CELF2: variants seen among roughly 807,000 people sequenced by gnomAD.
CELF2 encodes CUGBP Elav-like family member 2.
Under a neutral mutation model 62.6 loss-of-function variants are expected in CELF2, and 8 were observed. That is an observed-to-expected ratio of 0.13 (90% CI 0.07 to 0.23). The LOEUF (loss-of-function observed/expected upper bound fraction) is 0.23. Ranked by LOEUF, CELF2 falls within the 10% of genes least tolerant of loss-of-function variation. The pLI is 1.00. For synonymous variants in CELF2, 258 were observed against 250.0 expected, an observed-to-expected ratio of 1.03 and a Z score of -0.30; for missense variants, 333 against 671.0, an observed-to-expected ratio of 0.50 and a Z score of 5.56.
chr10:10,647,729 T>A, the CELF2 span, among the ~76,000 whole-genome samples: 2 of 152,240 alleles, frequency 1.3e-5, no homozygotes, highest in Non-Finnish European at 2.9e-5. Context: ...TTTAAAACTT[T>A]GTGTGTATTT....
intron 1 of CELF2, among the ~76,000 whole-genome samples, chr10:11,134,140 T>C (rs1011480252): frequency 1.3e-5 from 2 of 152,196 alleles, no homozygotes; most frequent in African/African-American, 4.8e-5. Flanking sequence ...TTCCCTTCCT[T>C]GTGCCTGAAT....
In CELF2 at chr10:11,222,582, TTTA is replaced by T. The variant is rs559139354; in HGVS notation, c.354+5078_354+5080del. ...TTATTCGGCAACCATGTATTGAACG[TTTA>T]TTGTTTGCCAGGCACTGTTCTAGAT... On this transcript the variant is annotated intron_variant, in intron 3 of 12. Transcript: ENST00000633077. Among the ~76,000 whole-genome samples, 220 of 152,292 alleles carry T rather than the reference TTTA, an allele frequency of 1.4e-3. 1 individual carries two copies. Among genetic ancestry groups the T allele is most frequent in the African/African-American group, 4.8e-3 (198 of 41,552 alleles).
intron 2 of CELF2, among the ~76,000 whole-genome samples, chr10:11,192,528 G>A (rs918845173): frequency 6.6e-6 from 1 of 152,212 alleles, no homozygotes; most frequent in African/African-American, 2.4e-5. Context: ...TGGGTTTCCT[G>A]GGAAGTCAGG....
chr10:10,886,493 C>T (rs553753849), intron 1 of CELF2, among the ~76,000 whole-genome samples: 20 of 152,208 alleles, frequency 1.3e-4, no homozygotes, highest in East Asian at 7.7e-4. Flanking sequence ...CACAGATACA[C>T]GAAGAAGAGT....
At chr10:11,112,972 A>G (rs892048127) in intron 1 of CELF2, among the ~76,000 whole-genome samples, 11 of 152,052 alleles carry the variant, frequency 7.2e-5, no homozygotes, top group Admixed American at 2.6e-4. Context: ...TGCGTAGCCT[A>G]TATCTGAAGC....
At chr10:11,208,574 T>G (rs556297790) in intron 2 of CELF2, among the ~76,000 whole-genome samples, 5 of 152,322 alleles carry the variant, frequency 3.3e-5, no homozygotes, top group Non-Finnish European at 7.4e-5. Context: ...CTTCTGGGTG[T>G]GGGAAGGACC....
At chr10:11,181,897 T>A (rs1329039222) in intron 2 of CELF2, among the ~76,000 whole-genome samples, 1 of 152,244 alleles carries the variant, frequency 6.6e-6, no homozygotes, top group Non-Finnish European at 1.5e-5. Flanking sequence ...TCTTCTTTCC[T>A]TTTCATGGCA....
At chr10:10,746,819 A>G in the CELF2 span, among the ~76,000 whole-genome samples, 1 of 152,222 alleles carries the variant, frequency 6.6e-6, no homozygotes, top group African/African-American at 2.4e-5. Flanking sequence ...AAAATAGATA[A>G]CTGTTTAGGT....
chr10:11,185,444 C>T (rs887890930), intron 2 of CELF2, among the ~76,000 whole-genome samples: 2 of 152,148 alleles, frequency 1.3e-5, no homozygotes, highest in Non-Finnish European at 2.9e-5. Context: ...GATGGAGTTT[C>T]ACTCTTGTCA....
chr10:11,016,669 C>T (rs1378623206), upstream of CELF2, among the ~76,000 whole-genome samples: 1 of 152,150 alleles, frequency 6.6e-6, no homozygotes, highest in African/African-American at 2.4e-5. The surrounding 1 kb of genome is among the most constrained non-coding windows in gnomAD (Gnocchi z 5.2). Context: ...TTGTTTAACC[C>T]TCTGGTTTGT....
rs117085692 is a variant in CELF2, at chr10:11,206,293, G to A, written c.272-11132G>A. ...CTAATAGCCCAGCTTGCTGTGAATT[G>A]AGAATCGTAGGAAAATAGATGTGAT... On this transcript the variant is annotated intron_variant, in intron 2 of 12. Coordinates refer to ENST00000633077, the MANE Select transcript of CELF2 (RefSeq NM_001326342.2). Among the ~76,000 whole-genome samples, 205 of 152,304 alleles carry A rather than the reference G, an allele frequency of 1.3e-3. 1 individual carries two copies. The East Asian group carries it at 0.021, about 15-fold the overall frequency.
At chr10:10,618,208 G>A in the CELF2 span, among the ~76,000 whole-genome samples, 40 of 151,920 alleles carry the variant, frequency 2.6e-4, no homozygotes, top group African/African-American at 6.8e-4. Flanking sequence ...ATTTGAGACC[G>A]TCACTCCCCT....
At chr10:10,681,530 G>A in the CELF2 span, among the ~76,000 whole-genome samples, 1 of 152,282 alleles carries the variant, frequency 6.6e-6, no homozygotes, top group East Asian at 1.9e-4. Flanking sequence ...AGTGCGTATG[G>A]CTGTGCTCCA....
intron 2 of CELF2, among the ~76,000 whole-genome samples, chr10:10,933,749 A>G (rs2066341789): frequency 6.6e-6 from 1 of 152,182 alleles, no homozygotes; most frequent in Admixed American, 6.5e-5. Flanking sequence ...CTCCAAGTTC[A>G]TCCATATTGT....
intron 1 of CELF2, among the ~76,000 whole-genome samples, chr10:11,109,963 A>T (rs1375324115): frequency 6.6e-6 from 1 of 152,160 alleles, no homozygotes; most frequent in Admixed American, 6.5e-5. Flanking sequence ...TCTGTGTCTC[A>T]AAAAATGAAC....
rs571206298 is a variant in CELF2 at position 11,244,375 on chromosome 10, C to T, written c.355-4778C>T. On this transcript the variant is annotated intron_variant, in intron 3 of 12. Coordinates refer to ENST00000633077, the MANE Select transcript of CELF2 (RefSeq NM_001326342.2). The surrounding 1 kb of genome is among the most constrained non-coding windows in gnomAD (Gnocchi z 4.2). ...GTTCTTTTTAACAACTTCCATTGGC[C>T]GGGCGTGGTGGCTCACGCCTATAAT... 1.1e-4 allele frequency among the ~76,000 whole-genome samples: 16 copies of T among 152,276 alleles called. No individual in the cohort carries two copies. In the East Asian group the frequency reaches 2.5e-3, roughly 24 times the overall value.
At chr10:10,909,073 A>G (rs2063586780) in intron 1 of CELF2, among the ~76,000 whole-genome samples, 1 of 152,204 alleles carries the variant, frequency 6.6e-6, no homozygotes, top group African/African-American at 2.4e-5. Context: ...TACAGGCGTG[A>G]GCCACCATGC....
chr10:10,506,349 T>G, the CELF2 span, among the ~76,000 whole-genome samples: 1 of 151,830 alleles, frequency 6.6e-6, no homozygotes, highest in African/African-American at 2.4e-5. Flanking sequence ...TTATTCCAAC[T>G]CATTCTGAAT....
At chr10:11,104,259 T>A (rs2052717957) in intron 1 of CELF2, among the ~76,000 whole-genome samples, 1 of 152,250 alleles carries the variant, frequency 6.6e-6, no homozygotes, top group Non-Finnish European at 1.5e-5. Context: ...CTAGAATCTA[T>A]TATAATCCTC....
Sources: gnomAD v4.1 joint callset for allele counts (sites outside exome capture counted in the v4.1 genomes callset) on GRCh38, gnomAD v4.1.1 for gene constraint, Gnocchi (gnomAD v3.1) non-coding constraint, MANE v1.5 for transcripts, NCBI Gene and HGNC (gene_info 2026-07-23, HGNC 2026-07-21) for gene names.